Variants in COL15A1 observed in about 807,000 individuals in gnomAD.
The protein encoded by COL15A1 is collagen alpha-1(XV) chain.
A neutral mutation model predicts 165.9 loss-of-function variants in COL15A1; 111 were observed. The ratio of observed to expected loss-of-function variants is 0.67; its 90% CI spans 0.57 to 0.78. The LOEUF (loss-of-function observed/expected upper bound fraction) is 0.78, where lower values mean the gene tolerates loss of function less well. Among genes scored for constraint, COL15A1 ranks in the 30% least tolerant of loss-of-function variants. COL15A1 has a pLI of 0.00. For synonymous variants in COL15A1, 659 were observed against 674.8 expected (o/e 0.98, Z 0.36); for missense variants, 1,745 against 1,789.7 (o/e 0.98, Z 0.45).
chr9:99,010,046 C>T (rs761039020), intron 9 of COL15A1, among the ~76,000 whole-genome samples: 4 of 152,192 alleles, frequency 2.6e-5, no homozygotes, highest in Non-Finnish European at 5.9e-5. Context: ...ACCTCTTCTG[C>T]AGTAGTCTTT....
rs1838556074 is a variant in COL15A1 at position 98,996,961 on chromosome 9, A to T, written c.832A>T (p.Asn278Tyr). ...SPKEAKVEPI[N>Y]TPPTPSSPFE... ...CAAAGAAGCAAAAGTTGAACCCATA[A>T]ACACACCTCCAACTCCATCCTCCCC... is the stretch of plus-strand genomic sequence containing the variant. The change falls in exon 6 of 42, where the codon AAC becomes TAC. Residue 278 changes from asparagine (N) to tyrosine (Y), a missense_variant. Transcript: ENST00000375001. 6.2e-7 allele frequency: 1 copy of T among 1,614,010 alleles called. No homozygotes were observed. The highest frequency in any genetic ancestry group is 1.3e-5 in the African/African-American group (1 of 74,918).
intron 7 of COL15A1, 50 bp from the exon 8 acceptor site, chr9:99,003,403 T>G: frequency 7.2e-7 from 1 of 1,382,962 alleles, no homozygotes; most frequent in Non-Finnish European, 9.5e-7. Flanking sequence ...GCCACAGGCA[T>G]GTTGATGGGA....
chr9:99,028,262 T>C (rs2119028493), intron 16 of COL15A1, among the ~76,000 whole-genome samples: 1 of 152,250 alleles, frequency 6.6e-6, no homozygotes. Flanking sequence ...ATAATTATTA[T>C]TATAAAATAT....
In COL15A1 at chr9:99,004,936, AG is replaced by A. The variant is rs1838730751; in HGVS notation, c.1243del (p.Glu415ArgfsTer45). On this transcript the variant is annotated frameshift_variant, in exon 9 of 42. Transcript: ENST00000375001. LOFTEE classifies it high-confidence loss of function. ...AAGAGCGTTTAGCAGCAACAGCAGC[AG>A]GGGAGGCCGAGGCACTCGCCAGCAT... ...NEERLAATAA[G>X]EAEALASMPG... 6.2e-7 allele frequency: 1 copy of A among 1,613,956 alleles called. No individual in the cohort carries two copies. The highest frequency in any genetic ancestry group is 1.7e-5 in the Admixed American group (1 of 59,992).
chr9:98,989,025 CA>C (rs1564031618), intron 4 of COL15A1, among the ~76,000 whole-genome samples, 152 bp from the exon 5 acceptor site: 6 of 92,162 alleles, frequency 6.5e-5, no homozygotes, highest in Non-Finnish European at 1.4e-4. Flanking sequence ...CTCTCATAGA[CA>C]CACACACACA....
chr9:99,012,291 G>A (rs1360223996), intron 9 of COL15A1, among the ~76,000 whole-genome samples: 1 of 152,148 alleles, frequency 6.6e-6, no homozygotes, highest in Non-Finnish European at 1.5e-5. Flanking sequence ...AACAAAATGT[G>A]TATGTACACA....
At position 99,066,957 on chromosome 9, in the gene COL15A1, G is replaced by A. The variant is rs1390479112; in HGVS notation, c.3727G>A (p.Ala1243Thr). ...TTTTCAGTGCTTCAAGCAGGCCAGAGCTGCAGGACTGTTGTCCACCTACCG... is the reference window on the plus strand; with the variant it reads ...TTTTCAGTGCTTCAAGCAGGCCAGAACTGCAGGACTGTTGTCCACCTACCG... Reference protein sequence around the residue: ...ADFQCFKQARAAGLLSTYRAF... With the variant: ...ADFQCFKQARTAGLLSTYRAF... The change falls in exon 40 of 42, where the codon GCT becomes ACT. Residue 1243 changes from alanine to threonine, a missense_variant. Physicochemically the swap from Ala to Thr is moderately conservative, Grantham distance 58. Transcript: ENST00000375001. The A allele has an allele frequency of 9.3e-6, 15 of 1,614,172 alleles. No individual in the cohort carries two copies. The highest frequency in any genetic ancestry group is 1.2e-5 in the Non-Finnish European group (14 of 1,180,014).
At chr9:99,004,339 A>G (rs960783636) in intron 8 of COL15A1, among the ~76,000 whole-genome samples, 7 of 152,132 alleles carry the variant, frequency 4.6e-5, no homozygotes, top group African/African-American at 1.7e-4. Flanking sequence ...TGTGGCCAAC[A>G]ATGTCAGATC....
At chr9:99,022,723 AGTACACACACATTCAAT>A (rs1188239060) in intron 13 of COL15A1, among the ~76,000 whole-genome samples, 1 of 152,242 alleles carries the variant, frequency 6.6e-6, no homozygotes, top group Non-Finnish European at 1.5e-5. Context: ...GGGGGTGCTC[AGTACACACACATTCAAT>A]GAATGAATTA....
rs370708612 is a variant in COL15A1, at chr9:99,068,686, A to G, written c.3953+16A>G. ...ATCCTTCTTGGTAAGTGAGGGTGGAAGTTCTCAGATATGGTGTGATAGATA... is the reference window on the plus strand; with the variant it reads ...ATCCTTCTTGGTAAGTGAGGGTGGAGGTTCTCAGATATGGTGTGATAGATA... On this transcript the variant is annotated intron_variant, in intron 41 of 41. Transcript: ENST00000375001. 10 of 1,417,774 alleles carry G rather than the reference A, an allele frequency of 7.1e-6. No homozygotes were observed. The African/African-American group carries it at 1.3e-4, about 19-fold the overall frequency. 87.8% of individuals were successfully genotyped at this position (1,417,774 alleles called of 1,614,324 possible).
At chr9:98,971,031 G>A (rs1838041315) in intron 2 of COL15A1, among the ~76,000 whole-genome samples, 1 of 152,206 alleles carries the variant, frequency 6.6e-6, no homozygotes, top group Admixed American at 6.5e-5. Context: ...GTGTGCATGT[G>A]TTCCTGTGTG....
At chr9:99,005,090 G>T (rs1272589536) in intron 9 of COL15A1, 40 bp downstream of exon 9, 1 of 1,539,304 alleles carries the variant, frequency 6.5e-7, no homozygotes, top group African/African-American at 1.4e-5. Context: ...GGTCATGGTG[G>T]GAGCAGCTCC....
intron 41 of COL15A1, among the ~76,000 whole-genome samples, chr9:99,068,954 T>C (rs961762685): frequency 6.6e-6 from 1 of 152,160 alleles, no homozygotes; most frequent in African/African-American, 2.4e-5. Context: ...ATTGTGAGAA[T>C]AAAATGAATA....
At chr9:99,044,381 T>A (rs1839460820) in intron 24 of COL15A1, among the ~76,000 whole-genome samples, 187 bp from the exon 25 acceptor site, 1 of 152,100 alleles carries the variant, frequency 6.6e-6, no homozygotes, top group Admixed American at 6.5e-5. Context: ...GCTGTTGCAA[T>A]ACTCTAGTAC....
intron 24 of COL15A1, among the ~76,000 whole-genome samples, chr9:99,042,928 A>G (rs1839434842): frequency 6.6e-6 from 1 of 152,162 alleles, no homozygotes; most frequent in Non-Finnish European, 1.5e-5. Flanking sequence ...TCTTTCGTCC[A>G]CTGACCCGTG....
rs769982025 is a variant in COL15A1 at position 99,015,571 on chromosome 9, G to A, written c.1503+5G>A. The A allele has an allele frequency of 6.2e-6, 10 of 1,612,772 alleles. No individual in the cohort carries two copies. The highest frequency in any genetic ancestry group is 1.3e-5 in the African/African-American group (1 of 75,020). ...CCTGAGCGGGCAGTCACTTCTGTAAGTGTCATCTTGTGTCCTCTCTGGCTC... is the reference window on the plus strand; with the variant it reads ...CCTGAGCGGGCAGTCACTTCTGTAAATGTCATCTTGTGTCCTCTCTGGCTC... On this transcript the variant is annotated splice_donor_5th_base_variant and intron_variant, in intron 10 of 41. Coordinates refer to ENST00000375001, the MANE Select transcript of COL15A1 (RefSeq NM_001855.5).
At chr9:99,015,829 T>G in intron 10 of COL15A1, 147 bp from the exon 11 acceptor site, 1 of 1,002,632 alleles carries the variant, frequency 1.0e-6, no homozygotes, top group Non-Finnish European at 1.5e-6. Context: ...AGATGCATAT[T>G]TCAGAAGGGG....
intron 39 of COL15A1, among the ~76,000 whole-genome samples, chr9:99,063,723 C>T (rs1038665813): frequency 2.0e-5 from 3 of 152,174 alleles, no homozygotes; most frequent in Non-Finnish European, 1.5e-5. Context: ...AGTTAGGTGA[C>T]TCCTGTGTTA....
At chr9:98,978,783 C>G (rs528869683) in intron 2 of COL15A1, among the ~76,000 whole-genome samples, 1 of 152,186 alleles carries the variant, frequency 6.6e-6, no homozygotes, top group Non-Finnish European at 1.5e-5. Flanking sequence ...CATGTATATG[C>G]TGTAAAATAG....
Sources: gnomAD v4.1 joint callset for allele counts (sites outside exome capture counted in the v4.1 genomes callset) on GRCh38, gnomAD v4.1.1 for gene constraint, MANE v1.5 for transcripts, NCBI Gene and HGNC (gene_info 2026-07-23, HGNC 2026-07-21) for gene names.